The following RYR3 variants were observed in gnomAD, a reference collection of about 807,000 sequenced individuals.
RYR3 encodes the protein brain ryanodine receptor-calcium release channel.
In RYR3, 207 loss-of-function variants were observed where a neutral mutation model predicts 584.3. The observed-to-expected ratio is 0.35, with a 90% CI of 0.32 to 0.40. The LOEUF is 0.40. Among genes scored for constraint, RYR3 ranks in the 10% least tolerant of loss-of-function variants. The pLI is 1.00. For missense variants in RYR3, 5,616 were observed against 6,089.2 expected (o/e 0.92, Z 2.59); for synonymous variants, 2,416 against 2,248.5 (o/e 1.07, Z -2.11).
intron 64 of RYR3, among the ~76,000 whole-genome samples, chr15:33,774,876 G>A (rs1385921178): frequency 1.3e-5 from 2 of 152,068 alleles, no homozygotes; most frequent in Non-Finnish European, 1.5e-5. Flanking sequence ...TTCACTTGAG[G>A]CAGATGTTTT....
At chr15:33,411,943 T>C (rs977034613) in intron 1 of RYR3, among the ~76,000 whole-genome samples, 6 of 152,216 alleles carry the variant, frequency 3.9e-5, no homozygotes, top group Non-Finnish European at 7.3e-5. Context: ...ATCAGCTCCA[T>C]GAAGACCTTT....
chr15:33,822,379 A>G (rs556844010), intron 80 of RYR3, among the ~76,000 whole-genome samples: 1 of 152,348 alleles, frequency 6.6e-6, no homozygotes, highest in South Asian at 2.1e-4. Flanking sequence ...CAGATTCACA[A>G]CCACCATTAC....
At chr15:33,392,513 A>G (rs2042067271) in intron 1 of RYR3, among the ~76,000 whole-genome samples, 1 of 151,954 alleles carries the variant, frequency 6.6e-6, no homozygotes, top group Non-Finnish European at 1.5e-5. Context: ...TCTGAGAGAC[A>G]GTGGAGAACA....
At chr15:33,827,979 C>T (rs2077467818) in intron 85 of RYR3, among the ~76,000 whole-genome samples, 1 of 152,122 alleles carries the variant, frequency 6.6e-6, no homozygotes, top group African/African-American at 2.4e-5. Flanking sequence ...TTTTACAAAT[C>T]GAAGGTTTGT....
At chr15:33,555,346 G>A (rs1248512946) in intron 10 of RYR3, among the ~76,000 whole-genome samples, 1 of 152,176 alleles carries the variant, frequency 6.6e-6, no homozygotes, top group East Asian at 1.9e-4. Context: ...GAAAGGGAGG[G>A]TATGGAGCAA....
intron 10 of RYR3, among the ~76,000 whole-genome samples, chr15:33,559,825 G>A (rs1463839115): frequency 1.3e-5 from 2 of 152,292 alleles, no homozygotes; most frequent in African/African-American, 2.4e-5. Flanking sequence ...CAGAAGATAC[G>A]AAATATAAAC....
intron 67 of RYR3, among the ~76,000 whole-genome samples, chr15:33,794,347 A>AGATATAT (rs1453088029): frequency 1.3e-5 from 1 of 74,534 alleles, no homozygotes; most frequent in Admixed American, 1.7e-4. Flanking sequence ...ATATATATAA[A>AGATATAT]AATATATATA....
At chr15:33,775,129 A>G (rs72715153) in intron 64 of RYR3, among the ~76,000 whole-genome samples, 1,975 of 152,160 alleles carry the variant, frequency 0.013, 20 homozygotes, top group Middle Eastern at 0.024. Flanking sequence ...GATTCATTCC[A>G]GGTTGATTGT....
At chr15:33,725,180 C>CACATAT (rs1555427015) in intron 45 of RYR3, among the ~76,000 whole-genome samples, 6 of 143,792 alleles carry the variant, frequency 4.2e-5, no homozygotes, top group Non-Finnish European at 7.7e-5. Context: ...CACACACACA[C>CACATAT]ACACACACAC....
Position 33,859,646 on chromosome 15 carries a change from TG to T in RYR3, c.14216del (p.Gly4739ValfsTer38). The T allele has an allele frequency of 6.2e-7, 1 of 1,614,050 alleles. No homozygotes were observed. Among genetic ancestry groups the T allele is most frequent in the Non-Finnish European group, 8.5e-7 (1 of 1,179,882 alleles). On this transcript the variant is annotated frameshift_variant, in exon 100 of 104. Transcript: ENST00000634891. LOFTEE classifies it high-confidence loss of function. ...GIGDEIEDPA[G>X]DPYEMYRIVF... ...TTGGTGATGAAATTGAAGACCCTGC[TG>T]GTGATCCTTATGAAATGTATCGCAT...
At chr15:33,804,148 T>C (rs1431018340) in intron 69 of RYR3, among the ~76,000 whole-genome samples, 1 of 152,236 alleles carries the variant, frequency 6.6e-6, no homozygotes, top group Non-Finnish European at 1.5e-5. Context: ...TTTCAGAAAG[T>C]GGTCTTCTTC....
chr15:33,563,659 G>C (rs2057538632), intron 11 of RYR3, among the ~76,000 whole-genome samples: 1 of 152,174 alleles, frequency 6.6e-6, no homozygotes, highest in African/African-American at 2.4e-5. Flanking sequence ...TATAAAATAT[G>C]GGTTTAAATA....
At chr15:33,355,387 ATATGGTACC>A (rs1401522116) in intron 1 of RYR3, among the ~76,000 whole-genome samples, 2 of 152,176 alleles carry the variant, frequency 1.3e-5, no homozygotes, top group Non-Finnish European at 1.5e-5. Flanking sequence ...ATTTAGCATC[ATATGGTACC>A]TATAGCATCA....
At chr15:33,567,404 T>C (rs936665547) in intron 12 of RYR3, among the ~76,000 whole-genome samples, 6 of 152,204 alleles carry the variant, frequency 3.9e-5, no homozygotes, top group African/African-American at 1.4e-4. Context: ...TCCAAGACCA[T>C]TCTTCTCTTG....
chr15:33,355,259 A>T (rs1384417517), intron 1 of RYR3, among the ~76,000 whole-genome samples: 1 of 152,050 alleles, frequency 6.6e-6, no homozygotes, highest in African/African-American at 2.4e-5. Context: ...AACACAAAGC[A>T]TGAGATCAGG....
Position 33,800,829 on chromosome 15 carries a change from A to G in RYR3, c.9890A>G (p.Glu3297Gly). ...GACCAGCTCTTCCGCATGGTGGCAG[A>G]AGTCTTCATTCTGTGGTGTAAATCT... is the stretch of plus-strand genomic sequence containing the variant. Reference protein sequence around the residue: ...DSDQLFRMVAEVFILWCKSHN... With the variant: ...DSDQLFRMVAGVFILWCKSHN... Residue 3297 changes from glutamate to glycine, a missense_variant, in exon 68 of 104, where the codon GAA (glutamate) becomes GGA (glycine). This residue lies in a region of RYR3 where 954 missense variants were observed against 1,132.2 expected (regional missense o/e 0.84). Transcript: ENST00000634891. 1 of 1,613,750 alleles carries G rather than the reference A, an allele frequency of 6.2e-7. No individual in the cohort carries two copies.
At position 33,412,889 on chromosome 15, in the gene RYR3, G is replaced by C. The variant is rs1376200398; in HGVS notation, c.52-60530G>C. ...AGTCTTCCTGGGGGAAGGCAGCTGGGGTTGAGTGTTGACGATGAGAAAAAA... is the reference window on the plus strand; with the variant it reads ...AGTCTTCCTGGGGGAAGGCAGCTGGCGTTGAGTGTTGACGATGAGAAAAAA... On this transcript the variant is annotated intron_variant, in intron 1 of 103. Transcript: ENST00000634891. The surrounding 1 kb of genome is among the most constrained non-coding windows in gnomAD (Gnocchi z 4.3). Among the ~76,000 whole-genome samples, 1 of 152,086 alleles carries C rather than the reference G, an allele frequency of 6.6e-6. No homozygotes were observed. The highest frequency in any genetic ancestry group is 1.5e-5 in the Non-Finnish European group (1 of 68,032).
rs1207944337 is a variant in RYR3, at chr15:33,739,829, C to T, written c.7657-3C>T. 3.7e-6 allele frequency: 6 copies of T among 1,611,622 alleles called. No homozygotes were observed. Among genetic ancestry groups the T allele is most frequent in the Non-Finnish European group, 5.1e-6 (6 of 1,178,396 alleles). On this transcript the variant is annotated splice_polypyrimidine_tract_variant and splice_region_variant and intron_variant, in intron 50 of 103. Coordinates refer to ENST00000634891, the MANE Select transcript of RYR3 (RefSeq NM_001036.6). The stretch of plus-strand genomic sequence containing the variant: ...CTAATGTGGCCTTGTTTTTCCCTCA[C>T]AGAAATATGACCCAGATCTTTTCCG...
chr15:33,707,091 A>T (rs370719604), intron 43 of RYR3, 37 bp downstream of exon 43: 18 of 1,610,314 alleles, frequency 1.1e-5, no homozygotes, highest in African/African-American at 1.3e-5. Context: ...TTATACCCAG[A>T]ATAGCATGAT....
Sources: gnomAD v4.1 joint callset for allele counts (sites outside exome capture counted in the v4.1 genomes callset) on GRCh38, gnomAD v4.1.1 for gene constraint, gnomAD v4.1.1 regional missense constraint, Gnocchi (gnomAD v3.1) non-coding constraint, MANE v1.5 for transcripts, NCBI Gene and HGNC (gene_info 2026-07-23, HGNC 2026-07-21) for gene names.